The following FXN variants were observed in gnomAD, a reference collection of about 807,000 sequenced individuals.
FXN encodes the protein frataxin, mitochondrial.
Under a neutral mutation model 22.4 loss-of-function variants are expected in FXN, and 14 were observed. The observed-to-expected ratio is 0.62, with a 90% confidence interval of 0.41 to 0.98. FXN has a LOEUF of 0.98. FXN is among the 50% of genes least tolerant of loss of function. The pLI, the probability that FXN is intolerant of heterozygous loss-of-function variation, is 0.00. For missense variants in FXN, 267 were observed against 268.4 expected, an observed-to-expected ratio of 0.99 and a Z score of 0.04; for synonymous variants, 120 against 114.1, an observed-to-expected ratio of 1.05 and a Z score of -0.33.
chr9:69,055,910 G>A (rs1202079767), intron 3 of FXN, among the ~76,000 whole-genome samples: 1 of 151,608 alleles, frequency 6.6e-6, no homozygotes, highest in Non-Finnish European at 1.5e-5. Flanking sequence ...TAGAGACAGG[G>A]CCTCGCTCTG....
chr9:69,050,784 C>CTTT (rs199872351), intron 2 of FXN, among the ~76,000 whole-genome samples: 1 of 146,124 alleles, frequency 6.8e-6, no homozygotes, highest in Non-Finnish European at 1.5e-5. Flanking sequence ...TTGGCCAACT[C>CTTT]TTTTTTTTTT....
rs1832344702 is a variant in FXN, at chr9:69,075,256, A to C, written c.*2494A>C. 26 of 673,482 alleles carry C rather than the reference A, an allele frequency of 3.9e-5. No homozygotes were observed. The highest frequency in any genetic ancestry group is 4.2e-5 in the Non-Finnish European group (23 of 546,586). 41.7% of individuals were successfully genotyped at this position (673,482 alleles called of 1,614,324 possible). On this transcript the variant is annotated 3_prime_UTR_variant, in exon 5 of 5. Transcript: ENST00000484259. ...GTGTATCACCTGAGGTCAGGAGTTC[A>C]AGACCAGCCTGGCCAACATGGCAAA...
chr9:69,060,370 CAAA>C (rs773672471), intron 3 of FXN, among the ~76,000 whole-genome samples: 1 of 120,970 alleles, frequency 8.3e-6, no homozygotes, highest in African/African-American at 3.1e-5. Flanking sequence ...GACTCCATCT[CAAA>C]AAAAAAAAAA....
At chr9:69,045,948 T>A (rs1831744918) in intron 1 of FXN, among the ~76,000 whole-genome samples, 1 of 152,166 alleles carries the variant, frequency 6.6e-6, no homozygotes, top group African/African-American at 2.4e-5. Flanking sequence ...GGGCATGCTT[T>A]CAGTATGCCC....
intron 1 of FXN, among the ~76,000 whole-genome samples, chr9:69,039,251 G>A (rs1359158676): frequency 4.1e-5 from 6 of 147,382 alleles, no homozygotes; most frequent in Admixed American, 6.8e-5. Flanking sequence ...GCGAGACTCC[G>A]TCTCAAAAAA....
At chr9:69,070,843 A>AT (rs1176534348) in intron 4 of FXN, among the ~76,000 whole-genome samples, 5 of 149,256 alleles carry the variant, frequency 3.3e-5, no homozygotes, top group East Asian at 2.0e-4. Context: ...ATTAAAAATA[A>AT]TTTTTTTTGT....
intron 3 of FXN, among the ~76,000 whole-genome samples, chr9:69,055,458 A>G (rs370990714): frequency 2.0e-5 from 3 of 151,696 alleles, no homozygotes; most frequent in Admixed American, 2.0e-4. Flanking sequence ...AAATGTGCCA[A>G]TATTCTAGCA....
intron 1 of FXN, among the ~76,000 whole-genome samples, chr9:69,040,409 C>T (rs1454450954): frequency 6.6e-6 from 1 of 152,240 alleles, no homozygotes; most frequent in Non-Finnish European, 1.5e-5. Flanking sequence ...TGGCTCACGC[C>T]TGTAATCCCA....
In FXN at chr9:69,073,251, A is replaced by C; in HGVS notation, c.*489A>C. 4 of 1,026,210 alleles carry C rather than the reference A, an allele frequency of 3.9e-6. No homozygotes were observed. Among genetic ancestry groups the C allele is most frequent in the Non-Finnish European group, 4.7e-6 (4 of 854,784 alleles). 63.6% of individuals were successfully genotyped at this position (1,026,210 alleles called of 1,614,324 possible). Reference sequence around the variant, plus strand: ...TTCAGGCTTCTTTCAAAGTGTAAGCACTTCTGAGCTCTTTAGCATTGAAGT... The same window carrying C: ...TTCAGGCTTCTTTCAAAGTGTAAGCCCTTCTGAGCTCTTTAGCATTGAAGT... On this transcript the variant is annotated 3_prime_UTR_variant, in exon 5 of 5. Coordinates refer to ENST00000484259, the MANE Select transcript of FXN (RefSeq NM_000144.5).
rs1322979915 is a variant in FXN at position 69,073,833 on chromosome 9, GAA to G, written c.*1073_*1074del. The G allele has an allele frequency of 1.0e-6, 1 of 985,192 alleles. No homozygotes were observed. Among genetic ancestry groups the G allele is most frequent in the Admixed American group, 6.2e-5 (1 of 16,248 alleles). 61.0% of individuals were successfully genotyped at this position (985,192 alleles called of 1,614,324 possible). On this transcript the variant is annotated 3_prime_UTR_variant, in exon 5 of 5. Coordinates refer to ENST00000484259, the MANE Select transcript of FXN (RefSeq NM_000144.5). ...AAAGAACAGTTTTTAAGCTATATAG[GAA>G]ACATTGTTATTGGTGTTGCCCTATC...
chr9:69,049,244 C>A lies in FXN; in HGVS notation c.263+2762C>A, dbSNP rs192866002. Reference sequence around the variant, plus strand: ...AGGTATAAAGTCGGTTGTGTCCTTACGTTTCTCAAATTCTTCAAGACACGT... The same window carrying A: ...AGGTATAAAGTCGGTTGTGTCCTTAAGTTTCTCAAATTCTTCAAGACACGT... On this transcript the variant is annotated intron_variant, in intron 2 of 4. Transcript: ENST00000484259. 2.3e-3 allele frequency among the ~76,000 whole-genome samples: 351 copies of A among 152,250 alleles called. 1 individual carries two copies. Among genetic ancestry groups the A allele is most frequent in the Non-Finnish European group, 3.8e-3 (256 of 68,020 alleles).
At chr9:69,053,048 T>C in intron 2 of FXN, 92 bp from the exon 3 acceptor site, 1 of 1,331,896 alleles carries the variant, frequency 7.5e-7, no homozygotes, top group Admixed American at 2.4e-5. Flanking sequence ...TTTCATCAAT[T>C]TAATGAATTT....
At chr9:69,072,063 C>T (rs1362610440) in intron 4 of FXN, among the ~76,000 whole-genome samples, 1 of 152,108 alleles carries the variant, frequency 6.6e-6, no homozygotes, top group Admixed American at 6.5e-5. Flanking sequence ...ATCCTGGAAC[C>T]CCTTCCCTAT....
chr9:69,042,232 C>T (rs1330849052), intron 1 of FXN, among the ~76,000 whole-genome samples: 4 of 132,382 alleles, frequency 3.0e-5, no homozygotes, highest in Non-Finnish European at 4.9e-5. Flanking sequence ...AGCAAGACTC[C>T]GTCTCAGAAA....
Position 69,074,283 on chromosome 9 carries a change from T to C in FXN, c.*1521T>C. The C allele has an allele frequency of 1.0e-6, 1 of 985,010 alleles. No individual in the cohort carries two copies. Among genetic ancestry groups the C allele is most frequent in the South Asian group, 4.7e-5 (1 of 21,278 alleles). The allele number at this position is 985,010 out of a possible 1,614,324, so 61.0% of individuals were successfully genotyped here. A position where few individuals can be genotyped will look rare whatever the true frequency, so the allele number is the denominator to read the frequency against. ...CACATTACCTCATTTTAATTTTTACTGACCTGCACTTTATACAAAGCAACA... is the reference window on the plus strand; with the variant it reads ...CACATTACCTCATTTTAATTTTTACCGACCTGCACTTTATACAAAGCAACA... On this transcript the variant is annotated 3_prime_UTR_variant, in exon 5 of 5. Transcript: ENST00000484259.
In FXN at chr9:69,076,845, A is replaced by G. The variant is rs957208909; in HGVS notation, c.*4083A>G. On this transcript the variant is annotated 3_prime_UTR_variant, in exon 5 of 5. Coordinates refer to ENST00000484259, the MANE Select transcript of FXN (RefSeq NM_000144.5). Reference sequence around the variant, plus strand: ...AAGGGAGAAAGGGGAAGGAGGGGCAAAGTTTTGAAATTTCATGTAAATTTA... The same window carrying G: ...AAGGGAGAAAGGGGAAGGAGGGGCAGAGTTTTGAAATTTCATGTAAATTTA... The G allele has an allele frequency of 5.1e-6, 5 of 985,400 alleles. No homozygotes were observed. The highest frequency in any genetic ancestry group is 1.1e-4 in the East Asian group (1 of 8,834). 61.0% of individuals were successfully genotyped at this position (985,400 alleles called of 1,614,324 possible).
chr9:69,064,810 C>A, intron 3 of FXN, 128 bp from the exon 4 acceptor site: 1 of 696,238 alleles, frequency 1.4e-6, no homozygotes, highest in Non-Finnish European at 2.6e-6. Flanking sequence ...AAAGACATTT[C>A]TTTATGGTGT....
intron 4 of FXN, among the ~76,000 whole-genome samples, chr9:69,069,750 C>T (rs919239219): frequency 6.6e-6 from 1 of 152,238 alleles, no homozygotes; most frequent in African/African-American, 2.4e-5. Flanking sequence ...TGAACTGCAC[C>T]AAAAACGTGA....
intron 4 of FXN, among the ~76,000 whole-genome samples, chr9:69,066,250 A>C (rs1832163889): frequency 1.3e-5 from 2 of 152,242 alleles, no homozygotes; most frequent in Admixed American, 6.5e-5. Context: ...GAATTCTTTG[A>C]AAGACTAACG....
Sources: gnomAD v4.1 joint callset for allele counts (sites outside exome capture counted in the v4.1 genomes callset) on GRCh38, gnomAD v4.1.1 for gene constraint, MANE v1.5 for transcripts, NCBI Gene and HGNC (gene_info 2026-07-23, HGNC 2026-07-21) for gene names.